LRRC4C: variants seen among roughly 807,000 people sequenced by gnomAD.
LRRC4C encodes the protein leucine rich repeat containing 4C.
In LRRC4C, 5 loss-of-function variants were observed where a neutral mutation model predicts 33.6. That is an observed-to-expected ratio of 0.15 (90% CI 0.08 to 0.31). The LOEUF (loss-of-function observed/expected upper bound fraction) is 0.31, where lower values mean the gene tolerates loss of function less well. LRRC4C is among the 10% of genes least tolerant of loss of function. LRRC4C has a pLI of 1.00. For synonymous variants in LRRC4C, 329 were observed against 302.0 expected (o/e 1.09, Z -0.93); for missense variants, 560 against 796.7 (o/e 0.70, Z 3.58).
At chr11:40,150,883 G>A (rs930328201) in intron 5 of LRRC4C, among the ~76,000 whole-genome samples, 4 of 152,104 alleles carry the variant, frequency 2.6e-5, no homozygotes, top group African/African-American at 9.7e-5. Flanking sequence ...TTGTTATGGA[G>A]GTAGAGAGAG....
At chr11:41,448,122 G>GGT (rs1554934483) in intron 1 of LRRC4C, among the ~76,000 whole-genome samples, 25 of 46,910 alleles carry the variant, frequency 5.3e-4, no homozygotes, top group South Asian at 1.3e-3. Context: ...GCACACGTCT[G>GGT]TTTTTTTTTT....
At chr11:40,210,985 C>A (rs1008709903) in intron 5 of LRRC4C, among the ~76,000 whole-genome samples, 1 of 152,026 alleles carries the variant, frequency 6.6e-6, no homozygotes, top group Non-Finnish European at 1.5e-5. Flanking sequence ...CCATGTTGGC[C>A]AGGTTGGTTT....
chr11:40,914,516 C>G (rs950337961), intron 2 of LRRC4C, among the ~76,000 whole-genome samples: 6 of 152,184 alleles, frequency 3.9e-5, no homozygotes, highest in African/African-American at 1.4e-4. Flanking sequence ...GCTAATAACT[C>G]TCAATAAATT....
intron 1 of LRRC4C, among the ~76,000 whole-genome samples, chr11:41,320,929 C>G (rs911673862): frequency 6.6e-6 from 1 of 152,160 alleles, no homozygotes; most frequent in African/African-American, 2.4e-5. Flanking sequence ...CTAAGCAACT[C>G]TGAACTCCAA....
At position 40,548,713 on chromosome 11, in the gene LRRC4C, G is replaced by A. The variant is rs569502750; in HGVS notation, c.-270+99429C>T. Among the ~76,000 whole-genome samples, 48 of 152,188 alleles carry A rather than the reference G, an allele frequency of 3.2e-4. 1 individual carries two copies. The South Asian group carries it at 9.5e-3, about 30-fold the overall frequency. ...CCATGATTGGCAGTGAAGAGAGTAC[G>A]AATGGCAGCTTAATTTATTATGATG... is the stretch of plus-strand genomic sequence containing the variant. On this transcript the variant is annotated intron_variant, in intron 3 of 6. Transcript: ENST00000528697.
intron 1 of LRRC4C, among the ~76,000 whole-genome samples, chr11:41,264,346 T>A (rs574671589): frequency 4.5e-4 from 69 of 152,184 alleles, no homozygotes; most frequent in Middle Eastern, 3.4e-3. Flanking sequence ...TGCCTCGGAC[T>A]CCCAAAATGC....
At chr11:40,810,601 C>G (rs1033665330) in intron 2 of LRRC4C, among the ~76,000 whole-genome samples, 3 of 152,134 alleles carry the variant, frequency 2.0e-5, no homozygotes, top group Admixed American at 2.0e-4. Context: ...CTCTTGGTAT[C>G]TTACCTCCCA....
At chr11:41,198,282 A>G (rs2136245162) in intron 1 of LRRC4C, among the ~76,000 whole-genome samples, 1 of 152,098 alleles carries the variant, frequency 6.6e-6, no homozygotes, top group African/African-American at 2.4e-5. Flanking sequence ...TTATGTTCCT[A>G]TTTAAAAATG....
chr11:40,500,287 TATATATACACACACACACAC>T (rs1954685450), intron 3 of LRRC4C, among the ~76,000 whole-genome samples: 2 of 71,058 alleles, frequency 2.8e-5, no homozygotes, highest in African/African-American at 9.7e-5. Context: ...TATATATATA[TATATATACACACACACACAC>T]ACACACACAC....
At chr11:40,143,365 A>G (rs1857506050) in intron 5 of LRRC4C, among the ~76,000 whole-genome samples, 1 of 152,066 alleles carries the variant, frequency 6.6e-6, no homozygotes. Flanking sequence ...TTAAAGTCCT[A>G]ATGGCCAGTC....
At chr11:41,375,321 AT>A (rs1176325445) in intron 1 of LRRC4C, among the ~76,000 whole-genome samples, 5 of 151,714 alleles carry the variant, frequency 3.3e-5, no homozygotes. Flanking sequence ...AAAGTGTGAC[AT>A]ACGTAAGTAC....
At chr11:40,831,197 A>G (rs1005504581) in intron 2 of LRRC4C, among the ~76,000 whole-genome samples, 1 of 152,124 alleles carries the variant, frequency 6.6e-6, no homozygotes, top group Non-Finnish European at 1.5e-5. Context: ...AATTCTAAGT[A>G]ATTATTCCTA....
intron 1 of LRRC4C, among the ~76,000 whole-genome samples, chr11:41,374,477 A>C (rs1373790815): frequency 6.6e-6 from 1 of 152,222 alleles, no homozygotes; most frequent in African/African-American, 2.4e-5. Context: ...AAGTTAAATA[A>C]TACCAAGAAA....
chr11:40,114,605 G>A lies in LRRC4C; in HGVS notation c.1688C>T (p.Thr563Ile), dbSNP rs549013467. ...QHHRQNHHAPTRTVEIINVDD... is the reference protein window; with the variant it reads ...QHHRQNHHAPIRTVEIINVDD... ...CACATTAATAATTTCAACAGTCCTTGTTGGGGCGTGATGGTTTTGCCGATG... is the reference window on the plus strand; with the variant it reads ...CACATTAATAATTTCAACAGTCCTTATTGGGGCGTGATGGTTTTGCCGATG... Residue 563 changes from threonine to isoleucine, a missense_variant, in exon 7 of 7, where the codon ACA becomes ATA. Physicochemically the swap from Thr to Ile is moderately conservative, Grantham distance 89 (BLOSUM62 -1). Around this residue, in one of 3 missense-constraint regions of LRRC4C, gnomAD observed 103 missense variants for 132.1 expected, o/e 0.78. Coordinates refer to ENST00000528697, the MANE Select transcript of LRRC4C (RefSeq NM_001258419.2). 6.2e-7 allele frequency: 1 copy of A among 1,614,146 alleles called. No homozygotes were observed. Among genetic ancestry groups the A allele is most frequent in the East Asian group, 2.2e-5 (1 of 44,872 alleles).
intron 2 of LRRC4C, among the ~76,000 whole-genome samples, chr11:40,755,857 G>T (rs1209343131): frequency 6.6e-6 from 1 of 152,064 alleles, no homozygotes; most frequent in Non-Finnish European, 1.5e-5. Flanking sequence ...TTTGTTATGG[G>T]CTAAATTGCC....
chr11:41,117,564 T>C (rs1942201532), intron 1 of LRRC4C, among the ~76,000 whole-genome samples: 2 of 152,164 alleles, frequency 1.3e-5, no homozygotes, highest in African/African-American at 2.4e-5. Flanking sequence ...GAATTAAGCA[T>C]TGATGTCATC....
intron 3 of LRRC4C, among the ~76,000 whole-genome samples, chr11:40,619,436 C>A (rs989636457): frequency 6.6e-6 from 1 of 151,544 alleles, no homozygotes; most frequent in Non-Finnish European, 1.5e-5. Flanking sequence ...TACTATGTAT[C>A]CACAAAAACT....
intron 3 of LRRC4C, among the ~76,000 whole-genome samples, chr11:40,444,358 C>CT (rs972289893): frequency 0.018 from 2,573 of 145,264 alleles, 80 homozygotes; most frequent in African/African-American, 0.06. Flanking sequence ...TTTTATTTTT[C>CT]TTTTTTTTTT....
rs541667180 is a variant in LRRC4C at position 40,459,797 on chromosome 11, CTTG to C, written c.-269-140079_-269-140077del. On this transcript the variant is annotated intron_variant, in intron 3 of 6. Transcript: ENST00000528697. Reference sequence around the variant, plus strand: ...CACAAAGCCATCACAATGAGGGGTCCTTGTTGTTGGTGCCACAGAGCAAGAGCA... The same window carrying C: ...CACAAAGCCATCACAATGAGGGGTCCTTGTTGGTGCCACAGAGCAAGAGCA... 3.8e-3 allele frequency among the ~76,000 whole-genome samples: 575 copies of C among 152,280 alleles called. 5 individuals carry two copies. Among genetic ancestry groups the C allele is most frequent in the Non-Finnish European group, 6.4e-3 (433 of 68,018 alleles).
Sources: gnomAD v4.1 joint callset for allele counts (sites outside exome capture counted in the v4.1 genomes callset) on GRCh38, gnomAD v4.1.1 for gene constraint, gnomAD v4.1.1 regional missense constraint, MANE v1.5 for transcripts, NCBI Gene and HGNC (gene_info 2026-07-23, HGNC 2026-07-21) for gene names.